FABP7: variants seen among roughly 807,000 people sequenced by gnomAD.
FABP7 encodes fatty acid binding protein 7.
FABP7 carries 13 observed loss-of-function variants against 14.2 expected under a neutral mutation model. The ratio of observed to expected loss-of-function variants is 0.91; its 90% confidence interval spans 0.59 to 1.45. FABP7 has a LOEUF of 1.45. Ranked by LOEUF, FABP7 falls within the 40% of genes most tolerant of loss-of-function variation. The pLI is 0.00. For synonymous variants in FABP7, 49 were observed against 51.4 expected, an observed-to-expected ratio of 0.95 and a Z score of 0.20; for missense variants, 149 against 157.6, an observed-to-expected ratio of 0.95 and a Z score of 0.29.
the FABP7 span, among the ~76,000 whole-genome samples, chr6:122,772,348 G>GA: frequency 2.6e-5 from 4 of 152,038 alleles, no homozygotes; most frequent in East Asian, 3.9e-4. Context: ...GGTAAAAGGA[G>GA]AAAAAACTGC....
At chr6:122,773,695 A>C in the FABP7 span, among the ~76,000 whole-genome samples, 1 of 152,206 alleles carries the variant, frequency 6.6e-6, no homozygotes, top group South Asian at 2.1e-4. Context: ...TGGATATCTT[A>C]CAAGAAATAA....
Position 122,779,874 on chromosome 6 carries a change from A to G in FABP7, c.73+7A>G. The G allele has an allele frequency of 2.5e-6, 4 of 1,613,298 alleles. No individual in the cohort carries two copies. The highest frequency in any genetic ancestry group is 3.4e-6 in the Non-Finnish European group (4 of 1,179,338). On this transcript the variant is annotated splice_region_variant and intron_variant, in intron 1 of 3. Coordinates refer to ENST00000368444, the MANE Select transcript of FABP7 (RefSeq NM_001446.5). ...GAGTACATGAAGGCTCTAGGTAGGT[A>G]ACAATAAGACCGGCTGTTCTCTTCT... is the stretch of plus-strand genomic sequence containing the variant.
chr6:122,772,755 T>C, the FABP7 span, among the ~76,000 whole-genome samples: 1 of 152,114 alleles, frequency 6.6e-6, no homozygotes, highest in Non-Finnish European at 1.5e-5. Flanking sequence ...AGATAAAAGT[T>C]ACATATCACC....
intron 1 of FABP7, 46 bp from the exon 2 acceptor site, chr6:122,780,245 A>G (rs1303642363): frequency 1.9e-6 from 3 of 1,597,010 alleles, no homozygotes; most frequent in Admixed American, 1.7e-5. Context: ...TTTGTGAGTT[A>G]TTTTGGAAGT....
chr6:122,768,430 G>T, the FABP7 span, among the ~76,000 whole-genome samples: 2 of 152,102 alleles, frequency 1.3e-5, no homozygotes, highest in Non-Finnish European at 2.9e-5. Context: ...AACATTTTAT[G>T]AAGATTACAT....
At chr6:122,762,758 G>T in the FABP7 span, among the ~76,000 whole-genome samples, 610 of 152,244 alleles carry the variant, frequency 4.0e-3, 6 homozygotes, top group African/African-American at 0.014. Context: ...CAGACAAACA[G>T]AGAGCCAAAT....
In FABP7 at chr6:122,783,928, C is replaced by T; in HGVS notation, c.*161C>T. On this transcript the variant is annotated 3_prime_UTR_variant, in exon 4 of 4. Coordinates refer to ENST00000368444, the MANE Select transcript of FABP7 (RefSeq NM_001446.5). ...AAAACTTGTTACTCCAAGCAACTTG[C>T]CCAATTTTAATCTGAAAATTTATCA... The T allele has an allele frequency of 2.0e-6, 1 of 505,942 alleles. No homozygotes were observed. Among genetic ancestry groups the T allele is most frequent in the Non-Finnish European group, 3.4e-6 (1 of 292,262 alleles). 31.3% of individuals were successfully genotyped at this position (505,942 alleles called of 1,614,324 possible). A position where few individuals can be genotyped will look rare whatever the true frequency, so the allele number is the denominator to read the frequency against.
At chr6:122,764,947 T>C in the FABP7 span, among the ~76,000 whole-genome samples, 1 of 152,196 alleles carries the variant, frequency 6.6e-6, no homozygotes, top group Non-Finnish European at 1.5e-5. Context: ...AAGGGAAATA[T>C]AATTGCAGAG....
At chr6:122,754,122 A>G in the FABP7 span, among the ~76,000 whole-genome samples, 1 of 152,120 alleles carries the variant, frequency 6.6e-6, no homozygotes, top group Admixed American at 6.5e-5. Context: ...TGCCTCAGGT[A>G]CCATTATCAG....
the FABP7 span, among the ~76,000 whole-genome samples, chr6:122,753,779 A>ACC: frequency 3.1e-4 from 24 of 78,636 alleles, no homozygotes; most frequent in East Asian, 1.4e-3. Flanking sequence ...TTGGGTCCAA[A>ACC]TCCCGCCCCC....
Position 122,783,818 on chromosome 6 carries a change from C to G in FABP7, c.*51C>G. The G allele has an allele frequency of 7.0e-7, 1 of 1,433,886 alleles. No individual in the cohort carries two copies. Among genetic ancestry groups the G allele is most frequent in the East Asian group, 2.3e-5 (1 of 43,368 alleles). 88.8% of individuals were successfully genotyped at this position (1,433,886 alleles called of 1,614,324 possible). Reference sequence around the variant, plus strand: ...GAGCTCTTCAGTTTTTCTGTTTCCTCAAGTCTCAGTGCTATCCTATTACAA... The same window carrying G: ...GAGCTCTTCAGTTTTTCTGTTTCCTGAAGTCTCAGTGCTATCCTATTACAA... On this transcript the variant is annotated 3_prime_UTR_variant, in exon 4 of 4. Coordinates refer to ENST00000368444, the MANE Select transcript of FABP7 (RefSeq NM_001446.5).
At chr6:122,776,176 T>C (rs565243942), upstream of FABP7, among the ~76,000 whole-genome samples, 5 of 152,176 alleles carry the variant, frequency 3.3e-5, no homozygotes, top group Non-Finnish European at 7.4e-5. Context: ...TTGCAGTGTA[T>C]ATATCCAAAA....
At chr6:122,758,105 C>CATT in the FABP7 span, among the ~76,000 whole-genome samples, 1 of 118,376 alleles carries the variant, frequency 8.4e-6, no homozygotes, top group South Asian at 2.9e-4. Flanking sequence ...TATTATCTAG[C>CATT]TTTTTTTTTT....
chr6:122,777,829 C>T (rs1185888675), upstream of FABP7, among the ~76,000 whole-genome samples: 1 of 82,168 alleles, frequency 1.2e-5, no homozygotes, highest in African/African-American at 3.2e-5. Flanking sequence ...GGTGAGAGAG[C>T]AAGACCCTTT....
the FABP7 span, among the ~76,000 whole-genome samples, chr6:122,771,612 C>G: frequency 6.6e-6 from 1 of 152,186 alleles, no homozygotes; most frequent in East Asian, 1.9e-4. Context: ...CTCTCCTACT[C>G]TTGCATTATT....
the FABP7 span, among the ~76,000 whole-genome samples, chr6:122,753,355 T>G: frequency 3.3e-5 from 5 of 152,344 alleles, no homozygotes; most frequent in African/African-American, 9.6e-5. Context: ...GCCTCTTGTT[T>G]CTTTCTTTAC....
the FABP7 span, among the ~76,000 whole-genome samples, chr6:122,758,873 T>A: frequency 3.7e-4 from 57 of 152,334 alleles, 2 homozygotes; most frequent in East Asian, 0.011. Flanking sequence ...CAAACTTTTT[T>A]GATGGGGTAA....
chr6:122,783,653 T>A, intron 3 of FABP7, 64 bp from the exon 4 acceptor site: 1 of 1,547,898 alleles, frequency 6.5e-7, no homozygotes, highest in Non-Finnish European at 8.7e-7. Flanking sequence ...TATATGATGA[T>A]CTTTAAAATT....
chr6:122,760,120 T>C, the FABP7 span, among the ~76,000 whole-genome samples: 1 of 151,928 alleles, frequency 6.6e-6, no homozygotes, highest in Non-Finnish European at 1.5e-5. Context: ...AAAGATATAA[T>C]TTACATACCA....
Sources: gnomAD v4.1 joint callset for allele counts (sites outside exome capture counted in the v4.1 genomes callset) on GRCh38, gnomAD v4.1.1 for gene constraint, MANE v1.5 for transcripts, NCBI Gene and HGNC (gene_info 2026-07-23, HGNC 2026-07-21) for gene names.